The following RBM4B variants were observed in gnomAD, a reference collection of about 807,000 sequenced individuals.
RBM4B encodes the protein RNA-binding protein 4B.
RBM4B carries 13 observed loss-of-function variants against 28.5 expected under a neutral mutation model. The observed-to-expected ratio is 0.46, with a 90% CI of 0.30 to 0.72. The LOEUF is 0.72. Among genes scored for constraint, RBM4B ranks in the 30% least tolerant of loss-of-function variants. The pLI, the probability that RBM4B is intolerant of heterozygous loss-of-function variation, is 0.09. For synonymous variants in RBM4B, 167 were observed against 179.1 expected, an observed-to-expected ratio of 0.93 and a Z score of 0.54; for missense variants, 387 against 477.6, an observed-to-expected ratio of 0.81 and a Z score of 1.77.
chr11:66,668,733 G>T lies in RBM4B; in HGVS notation c.971C>A (p.Pro324Gln), dbSNP rs1265422613. Residue 324 changes from proline to glutamine, a missense_variant, in exon 3 of 4, where the codon CCA (proline) becomes CAA (glutamine). Coordinates refer to ENST00000310046, the MANE Select transcript of RBM4B (RefSeq NM_031492.4). ...PTVGEGYGYG[P>Q]ESELSQASAA... is the part of the protein sequence containing the mutation. ...GGAAGCCTGAGATAATTCACTCTCT[G>T]GCCCATAACCGTAGCCCTCTCCAAC... The T allele has an allele frequency of 1.2e-5, 20 of 1,614,168 alleles. No homozygotes were observed. The highest frequency in any genetic ancestry group is 3.3e-5 in the Admixed American group (2 of 60,020).
chr11:66,670,219 A>G (rs1204031158), intron 2 of RBM4B, among the ~76,000 whole-genome samples: 1 of 146,782 alleles, frequency 6.8e-6, no homozygotes, highest in African/African-American at 2.5e-5. Flanking sequence ...ATTTCAGTTT[A>G]GCCCACCACC....
At position 66,669,692 on chromosome 11, in the gene RBM4B, C is replaced by T. The variant is rs142347390; in HGVS notation, c.413-401G>A. 3.6e-3 allele frequency among the ~76,000 whole-genome samples: 552 copies of T among 152,290 alleles called. 1 individual carries two copies. The highest frequency in any genetic ancestry group is 6.8e-3 in the Middle Eastern group (2 of 294). ...AACTCCCGACCTTGGGTGATCCGCC[C>T]GCCTTGGCCTCCCAAAGTGTTGGGA... On this transcript the variant is annotated intron_variant, in intron 2 of 3. Coordinates refer to ENST00000310046, the MANE Select transcript of RBM4B (RefSeq NM_031492.4).
chr11:66,674,349 G>A (rs1475717674), intron 2 of RBM4B, among the ~76,000 whole-genome samples: 5 of 150,382 alleles, frequency 3.3e-5, no homozygotes, highest in Non-Finnish European at 7.4e-5. Flanking sequence ...TCAGCTTCCC[G>A]AGTAGTGGGG....
At chr11:66,672,965 C>T (rs1939518703) in intron 2 of RBM4B, among the ~76,000 whole-genome samples, 1 of 152,114 alleles carries the variant, frequency 6.6e-6, no homozygotes, top group African/African-American at 2.4e-5. Context: ...CTGGGACTTC[C>T]AAAAGTTACT....
At position 66,665,031 on chromosome 11, in the gene RBM4B, T is replaced by A. The variant is rs1203823012; in HGVS notation, c.*557A>T. 3 of 152,348 alleles carry A rather than the reference T, an allele frequency of 2.0e-5. No homozygotes were observed. The highest frequency in any genetic ancestry group is 6.5e-5 in the Admixed American group (1 of 15,288). The allele number at this position is 152,348 out of a possible 1,614,324, so 9.4% of individuals were successfully genotyped here. On this transcript the variant is annotated 3_prime_UTR_variant, in exon 4 of 4. Transcript: ENST00000310046. ...TTAGAAACATTTATTTGTCAAAAAATTTTTTTAAAAAAGGGAGGAGTGGAG... is the reference window on the plus strand; with the variant it reads ...TTAGAAACATTTATTTGTCAAAAAAATTTTTTAAAAAAGGGAGGAGTGGAG...
intron 3 of RBM4B, chr11:66,666,285 A>G (rs1352333178): frequency 5.5e-6 from 6 of 1,094,056 alleles, no homozygotes; most frequent in South Asian, 2.8e-5. Flanking sequence ...AAGTTCCTCT[A>G]CTTATTACAG....
intron 2 of RBM4B, among the ~76,000 whole-genome samples, chr11:66,671,531 C>CA (rs1181548862): frequency 6.6e-6 from 1 of 152,036 alleles, no homozygotes; most frequent in African/African-American, 2.4e-5. Context: ...ACATTTTTAA[C>CA]AAAAAAATTC....
At position 66,665,013 on chromosome 11, in the gene RBM4B, C is replaced by CATTT. The variant is rs1204269343; in HGVS notation, c.*571_*574dup. The stretch of plus-strand genomic sequence containing the variant: ...TAAAAAGATATTTAAGTGTTAGAAA[C>CATTT]ATTTATTTGTCAAAAAATTTTTTTA... On this transcript the variant is annotated 3_prime_UTR_variant, in exon 4 of 4. Coordinates refer to ENST00000310046, the MANE Select transcript of RBM4B (RefSeq NM_031492.4). 1 of 152,348 alleles carries CATTT rather than the reference C, an allele frequency of 6.6e-6. No individual in the cohort carries two copies. The highest frequency in any genetic ancestry group is 1.5e-5 in the Non-Finnish European group (1 of 68,196). 9.4% of individuals were successfully genotyped at this position (152,348 alleles called of 1,614,324 possible). A position where few individuals can be genotyped will look rare whatever the true frequency, so the allele number is the denominator to read the frequency against.
In RBM4B at chr11:66,677,874, G is replaced by C. The variant is rs1939699305; in HGVS notation, c.-123C>G. 6.5e-6 allele frequency: 1 copy of C among 152,702 alleles called. No homozygotes were observed. The highest frequency in any genetic ancestry group is 6.5e-5 in the Admixed American group (1 of 15,286). The allele number at this position is 152,702 out of a possible 1,614,324, so 9.5% of individuals were successfully genotyped here. ...GGCCCTTTCTCGCGCGCCAGCTCAC[G>C]CACGCGCGAGTGCGCGCTGCTTCCC... On this transcript the variant is annotated 5_prime_UTR_variant, in exon 1 of 4. Transcript: ENST00000310046.
At chr11:66,672,678 G>A (rs1267497806) in intron 2 of RBM4B, among the ~76,000 whole-genome samples, 1 of 151,838 alleles carries the variant, frequency 6.6e-6, no homozygotes, top group African/African-American at 2.4e-5. Flanking sequence ...TCTATTTTTA[G>A]TGGAGACGAG....
At chr11:66,666,091 A>G (rs538079076) in intron 3 of RBM4B, 7 of 882,704 alleles carry the variant, frequency 7.9e-6, no homozygotes, top group African/African-American at 3.4e-5. Flanking sequence ...CATTCACCCA[A>G]TTCCAACACA....
At chr11:66,665,683 A>G in intron 3 of RBM4B, 105 bp from the exon 4 acceptor site, 2 of 1,510,574 alleles carry the variant, frequency 1.3e-6, no homozygotes, top group Non-Finnish European at 1.8e-6. Flanking sequence ...GGGAAAAAAA[A>G]GAACAAAACA....
intron 2 of RBM4B, among the ~76,000 whole-genome samples, chr11:66,674,492 G>C (rs1404207372): frequency 6.6e-6 from 1 of 151,662 alleles, no homozygotes; most frequent in East Asian, 1.9e-4. Flanking sequence ...CTCCCAAAGT[G>C]CTGGGATTAC....
chr11:66,676,595 T>C (rs1297016343), intron 2 of RBM4B, 73 bp downstream of exon 2: 2 of 1,529,654 alleles, frequency 1.3e-6, no homozygotes, highest in Non-Finnish European at 1.8e-6. Context: ...CAGCAAGTTC[T>C]ATAGTCTTGT....
At chr11:66,670,380 ACAATTTTT>A (rs1319495515) in intron 2 of RBM4B, among the ~76,000 whole-genome samples, 1 of 152,098 alleles carries the variant, frequency 6.6e-6, no homozygotes, top group East Asian at 1.9e-4. Flanking sequence ...CATGTAACTT[ACAATTTTT>A]ATAGGGATTA....
intron 3 of RBM4B, chr11:66,666,013 A>G (rs1459404889): frequency 7.0e-7 from 1 of 1,423,974 alleles, no homozygotes; most frequent in Non-Finnish European, 9.5e-7. Flanking sequence ...TTTTGTTTTA[A>G]TCTTTCACAG....
chr11:66,665,550 C>A lies in RBM4B; in HGVS notation c.*38G>T, dbSNP rs1939192910. 4.6e-6 allele frequency: 7 copies of A among 1,523,970 alleles called. No individual in the cohort carries two copies. The highest frequency in any genetic ancestry group is 6.2e-6 in the Non-Finnish European group (7 of 1,135,922). The allele number at this position is 1,523,970 out of a possible 1,614,324, so 94.4% of individuals were successfully genotyped here. ...AGCAAGTTCTCATATATGACCGCAG[C>A]CCGAGGGTTCAGTCCGCAATTATCC... is the stretch of plus-strand genomic sequence containing the variant. On this transcript the variant is annotated 3_prime_UTR_variant, in exon 4 of 4. Coordinates refer to ENST00000310046, the MANE Select transcript of RBM4B (RefSeq NM_031492.4).
intron 3 of RBM4B, chr11:66,666,270 A>C: frequency 8.9e-7 from 1 of 1,127,672 alleles, no homozygotes; most frequent in Non-Finnish European, 1.1e-6. Context: ...AAGTTAACTC[A>C]CACCAAGTTC....
Position 66,668,866 on chromosome 11 carries a change from CAG to C in RBM4B, c.836_837del (p.Ser279TrpfsTer48). ...DPYDRHLLPN[S>X]GAAATSAAMA... ...ATAGCAGCTGAAGTGGCAGCAGCGC[CAG>C]AGTTTGGCAATAGGTGTCTGTCATA... is the stretch of plus-strand genomic sequence containing the variant. On this transcript the variant is annotated frameshift_variant, in exon 3 of 4. Coordinates refer to ENST00000310046, the MANE Select transcript of RBM4B (RefSeq NM_031492.4). LOFTEE classifies it high-confidence loss of function. The C allele has an allele frequency of 6.2e-7, 1 of 1,614,174 alleles. No homozygotes were observed. Among genetic ancestry groups the C allele is most frequent in the Non-Finnish European group, 8.5e-7 (1 of 1,180,028 alleles).
Sources: allele counts gnomAD v4.1 joint callset (sites outside exome capture counted in the v4.1 genomes callset), GRCh38; gene constraint gnomAD v4.1.1; transcripts MANE v1.5; gene names NCBI Gene and HGNC (gene_info 2026-07-23, HGNC 2026-07-21).